The following AMMECR1 variants were observed in gnomAD, a reference collection of about 807,000 sequenced individuals.
AMMECR1 encodes the protein AMMECR nuclear protein 1, also known as nuclear protein AMMECR1.
Under a neutral mutation model 22.5 loss-of-function variants are expected in AMMECR1, and 3 were observed. The ratio of observed to expected loss-of-function variants is 0.13; its 90% CI spans 0.06 to 0.35. The LOEUF (loss-of-function observed/expected upper bound fraction) is 0.35, where lower values mean the gene tolerates loss of function less well. Among genes scored for constraint, AMMECR1 ranks in the 10% least tolerant of loss-of-function variants. The probability of loss-of-function intolerance (pLI) is 1.00; values close to 1 mark genes in which losing one functional copy is unlikely to be tolerated. For missense variants in AMMECR1, 235 were observed against 278.7 expected (o/e 0.84, Z 1.12); for synonymous variants, 130 against 116.7 (o/e 1.11, Z -0.74).
intron 2 of AMMECR1, among the ~76,000 whole-genome samples, chrX:110,243,888 A>G (rs1424873014): frequency 1.8e-5 from 2 of 112,153 alleles, no homozygotes; most frequent in Non-Finnish European, 3.8e-5. Flanking sequence ...CTGAAAGCAA[A>G]CAATTTTCAA....
At chrX:110,428,688 G>T (rs575430693) in intron 1 of AMMECR1, among the ~76,000 whole-genome samples, 195 of 110,891 alleles carry the variant, frequency 1.8e-3, no homozygotes, top group African/African-American at 6.1e-3. Flanking sequence ...CTCATTGTCT[G>T]CAGGGCAAAT....
At chrX:110,367,031 T>G in intron 2 of AMMECR1, among the ~76,000 whole-genome samples, 1 of 112,078 alleles carries the variant, frequency 8.9e-6, no homozygotes, top group Non-Finnish European at 1.9e-5. Context: ...TATTTGTATT[T>G]GTATCCATAA....
chrX:110,313,081 C>T (rs1185886005), intron 1 of AMMECR1, among the ~76,000 whole-genome samples: 1 of 111,649 alleles, frequency 9.0e-6, no homozygotes, highest in Non-Finnish European at 1.9e-5. Flanking sequence ...TTTGATAATG[C>T]AATAGGATTG....
chrX:110,348,357 C>A (rs1328821849), intron 2 of AMMECR1, among the ~76,000 whole-genome samples: 1 of 112,138 alleles, frequency 8.9e-6, no homozygotes, highest in Non-Finnish European at 1.9e-5. Flanking sequence ...TCCTTCTGAC[C>A]TATCTAAAGA....
In AMMECR1 at chrX:110,236,059, T is replaced by C. The variant is rs186517379; in HGVS notation, c.585-19427A>G. Among the ~76,000 whole-genome samples the C allele has an allele frequency of 5.5e-3, 618 of 111,788 alleles. 4 individuals carry two copies. Among genetic ancestry groups the C allele is most frequent in the African/African-American group, 0.019 (600 of 30,790 alleles). On this transcript the variant is annotated intron_variant, in intron 2 of 5. Coordinates refer to ENST00000262844, the MANE Select transcript of AMMECR1 (RefSeq NM_015365.3). ...AGAAAAGGGCAATGGATAAAATCTA[T>C]GCAATTTAAATTACAGTCATGTGAT...
intron 2 of AMMECR1, among the ~76,000 whole-genome samples, chrX:110,423,532 T>G (rs1266757564): frequency 1.8e-5 from 2 of 111,422 alleles, no homozygotes; most frequent in Non-Finnish European, 3.8e-5. Flanking sequence ...TTCAGTAAGG[T>G]CACTGCCATG....
At chrX:110,222,458 A>T (rs1305790379) in intron 2 of AMMECR1, among the ~76,000 whole-genome samples, 19 of 60,716 alleles carry the variant, frequency 3.1e-4, no homozygotes, top group Non-Finnish European at 4.8e-4. Flanking sequence ...GGGTCGGGGG[A>T]GGGGGGAGGG....
intron 2 of AMMECR1, among the ~76,000 whole-genome samples, chrX:110,262,190 G>A (rs1022674715): frequency 3.6e-5 from 4 of 112,017 alleles, no homozygotes; most frequent in Admixed American, 1.9e-4. Flanking sequence ...AAGATTAATT[G>A]TATTTTGTAA....
rs746812607 is a variant in AMMECR1 at position 110,263,052 on chromosome X, AG to A, written c.584+1436del. On this transcript the variant is annotated intron_variant, in intron 2 of 5. Transcript: ENST00000262844. ...GAATTCTTTTCTTCAGGTAGCGCAAAGGAACCAGTGTTCCTCATAACAACTT... is the reference window on the plus strand; with the variant it reads ...GAATTCTTTTCTTCAGGTAGCGCAAAGAACCAGTGTTCCTCATAACAACTT... Among the ~76,000 whole-genome samples, 364 of 111,615 alleles carry A rather than the reference AG, an allele frequency of 3.3e-3. 4 individuals are homozygous for A. Among genetic ancestry groups the A allele is most frequent in the African/African-American group, 0.011 (347 of 30,832 alleles).
chrX:110,249,849 G>A (rs1342842315), intron 2 of AMMECR1, among the ~76,000 whole-genome samples: 1 of 111,188 alleles, frequency 9.0e-6, no homozygotes, highest in African/African-American at 3.3e-5. Context: ...GCAGTGAGCT[G>A]AGATCATGCC....
At chrX:110,370,999 T>A (rs1007117155) in intron 2 of AMMECR1, among the ~76,000 whole-genome samples, 2 of 112,042 alleles carry the variant, frequency 1.8e-5, no homozygotes, top group African/African-American at 6.5e-5. Context: ...CAAATACCCC[T>A]TAAGATTCCT....
chrX:110,279,166 A>T (rs754937714), intron 1 of AMMECR1, among the ~76,000 whole-genome samples: 59 of 112,206 alleles, frequency 5.3e-4, no homozygotes, highest in African/African-American at 1.5e-3. Context: ...TAGATTGATT[A>T]AAAAAATGCT....
chrX:110,339,103 C>A (rs967019878), intron 2 of AMMECR1, among the ~76,000 whole-genome samples: 2 of 111,560 alleles, frequency 1.8e-5, no homozygotes, highest in Non-Finnish European at 3.8e-5. Flanking sequence ...AGCCAGTCCT[C>A]ACTGGTGCCA....
chrX:110,201,128 T>A, intron 4 of AMMECR1, 78 bp from the exon 5 acceptor site: 1 of 629,984 alleles, frequency 1.6e-6, no homozygotes, highest in Non-Finnish European at 2.4e-6. Context: ...AATGACTTTG[T>A]AGAGGTCAGC....
chrX:110,282,815 G>A (rs1208115678), intron 1 of AMMECR1, among the ~76,000 whole-genome samples: 1 of 111,480 alleles, frequency 9.0e-6, no homozygotes, highest in African/African-American at 3.3e-5. Context: ...TTAACATTCA[G>A]TGAGAGCATA....
chrX:110,401,528 T>C (rs982550047), intron 2 of AMMECR1, among the ~76,000 whole-genome samples: 10 of 111,836 alleles, frequency 8.9e-5, no homozygotes, highest in Non-Finnish European at 1.9e-4. Context: ...AAGCAATCTT[T>C]AGCTTAGGAG....
chrX:110,300,466 A>T (rs2067960264), intron 1 of AMMECR1, among the ~76,000 whole-genome samples: 1 of 112,199 alleles, frequency 8.9e-6, no homozygotes, highest in Admixed American at 9.4e-5. Flanking sequence ...GTTATCTCTT[A>T]TCTGTGACAT....
chrX:110,238,454 C>T (rs1304066715), intron 2 of AMMECR1, among the ~76,000 whole-genome samples: 1 of 112,355 alleles, frequency 8.9e-6, no homozygotes, highest in African/African-American at 3.2e-5. Context: ...GGGTGGAGGC[C>T]ACCGCAGCTC....
At chrX:110,439,158 A>T (rs894013578) in intron 1 of AMMECR1, among the ~76,000 whole-genome samples, 4 of 111,931 alleles carry the variant, frequency 3.6e-5, no homozygotes, top group African/African-American at 1.3e-4. Context: ...AGAGGGGCTG[A>T]TTCTCCCTTT....
Sources: allele counts gnomAD v4.1 joint callset (sites outside exome capture counted in the v4.1 genomes callset), GRCh38; gene constraint gnomAD v4.1.1; transcripts MANE v1.5; gene names NCBI Gene and HGNC (gene_info 2026-07-23, HGNC 2026-07-21).